The following UNC13B variants were observed in gnomAD, a reference collection of about 807,000 sequenced individuals.
UNC13B encodes protein unc-13 homolog B.
A neutral mutation model predicts 211.0 loss-of-function variants in UNC13B; 144 were observed. The ratio of observed to expected loss-of-function variants is 0.68; its 90% CI spans 0.60 to 0.78. The LOEUF is 0.78. UNC13B is among the 30% of genes least tolerant of loss of function. The pLI is 0.00. For synonymous variants in UNC13B, 709 were observed against 725.8 expected (o/e 0.98, Z 0.37); for missense variants, 1,777 against 2,002.0 (o/e 0.89, Z 2.14).
intron 7 of UNC13B, among the ~76,000 whole-genome samples, chr9:35,263,917 C>A (rs1827422699): frequency 6.6e-6 from 1 of 152,200 alleles, no homozygotes; most frequent in African/African-American, 2.4e-5. Flanking sequence ...CTTGGACTTT[C>A]TAGCCTCCAG....
rs1439630154 is a variant in UNC13B at position 35,237,830 on chromosome 9, A to G, written c.394+4A>G. The G allele has an allele frequency of 1.6e-5, 25 of 1,597,938 alleles. No individual in the cohort carries two copies. The East Asian group carries it at 2.2e-4, about 14-fold the overall frequency. On this transcript the variant is annotated splice_donor_region_variant and intron_variant, in intron 5 of 39. Coordinates refer to ENST00000635942, the MANE Select transcript of UNC13B (RefSeq NM_001371189.2). Reference sequence around the variant, plus strand: ...ACAAGATTTGAGTTGCCTTTTGGTGAGTAAAATTTTAAAACTATTTAATAA... The same window carrying G: ...ACAAGATTTGAGTTGCCTTTTGGTGGGTAAAATTTTAAAACTATTTAATAA...
intron 11 of UNC13B, among the ~76,000 whole-genome samples, chr9:35,326,333 G>T (rs1831015753): frequency 6.6e-6 from 1 of 152,124 alleles, no homozygotes; most frequent in Non-Finnish European, 1.5e-5. Context: ...ATGGGTACCT[G>T]AAACCATGGA....
intron 1 of UNC13B, among the ~76,000 whole-genome samples, chr9:35,172,362 G>C (rs1037427394): frequency 1.3e-5 from 2 of 152,060 alleles, no homozygotes; most frequent in African/African-American, 4.8e-5. Context: ...ATCTACAATA[G>C]ATTTTCATTA....
At chr9:35,312,429 T>A (rs1370126489) in intron 10 of UNC13B, among the ~76,000 whole-genome samples, 1 of 152,202 alleles carries the variant, frequency 6.6e-6, no homozygotes, top group Non-Finnish European at 1.5e-5. Flanking sequence ...ATTGGGTTGA[T>A]GACTCACTGA....
intron 11 of UNC13B, chr9:35,342,410 G>A (rs1832059410): frequency 1.0e-6 from 1 of 958,100 alleles, no homozygotes; most frequent in Non-Finnish European, 1.2e-6. Flanking sequence ...GCATTTGTGG[G>A]TGGAATATGG....
chr9:35,206,468 A>G (rs1258015431), intron 1 of UNC13B, among the ~76,000 whole-genome samples: 1 of 152,150 alleles, frequency 6.6e-6, no homozygotes, highest in African/African-American at 2.4e-5. Context: ...AAAAGGTATC[A>G]TATAATTTAT....
intron 1 of UNC13B, among the ~76,000 whole-genome samples, chr9:35,165,116 A>G (rs1343280076): frequency 1.3e-5 from 2 of 152,250 alleles, no homozygotes; most frequent in African/African-American, 2.4e-5. Context: ...ATTTAGTTGT[A>G]GAAGATTTAA....
At chr9:35,197,913 C>G (rs1211978370) in intron 1 of UNC13B, among the ~76,000 whole-genome samples, 1 of 152,010 alleles carries the variant, frequency 6.6e-6, no homozygotes, top group East Asian at 1.9e-4. Flanking sequence ...AATAAATTAC[C>G]CAGTCTCAGA....
At chr9:35,325,077 C>CT (rs1830934493) in intron 11 of UNC13B, among the ~76,000 whole-genome samples, 1 of 152,206 alleles carries the variant, frequency 6.6e-6, no homozygotes, top group Non-Finnish European at 1.5e-5. Context: ...CGAAGACATT[C>CT]TTTTTAAGAT....
chr9:35,171,513 C>T (rs1194106705), intron 1 of UNC13B, among the ~76,000 whole-genome samples: 2 of 152,062 alleles, frequency 1.3e-5, no homozygotes, highest in East Asian at 1.9e-4. Context: ...GAGATCCTCC[C>T]GTCTCCGTCT....
intron 32 of UNC13B, 39 bp from the exon 33 acceptor site, chr9:35,398,843 T>C (rs1169897487): frequency 6.2e-7 from 1 of 1,600,080 alleles, no homozygotes; most frequent in Non-Finnish European, 8.5e-7. Flanking sequence ...ACAGTGTGTG[T>C]TTGGGGAGGG....
chr9:35,261,395 A>G (rs1827263460), intron 7 of UNC13B, among the ~76,000 whole-genome samples: 1 of 152,216 alleles, frequency 6.6e-6, no homozygotes. Flanking sequence ...AATATTGTCT[A>G]TAATACAGTC....
In UNC13B at chr9:35,305,528, A is replaced by G. The variant is rs1461387601; in HGVS notation, c.6124A>G (p.Arg2042Gly). 1.3e-5 allele frequency: 5 copies of G among 398,920 alleles called. No homozygotes were observed. The highest frequency in any genetic ancestry group is 2.2e-5 in the Non-Finnish European group (5 of 226,038). The allele number at this position is 398,920 out of a possible 1,614,324, so 24.7% of individuals were successfully genotyped here. A position where few individuals can be genotyped will look rare whatever the true frequency, so the allele number is the denominator to read the frequency against. The stretch of plus-strand genomic sequence containing the variant: ...ACCAATTTCCTCTAAAGGGAAGGCT[A>G]GAGTTAGAAGACTGAACAAACAGAC... Reference protein sequence around the residue: ...AAPISSKGKARVRRLNKQTTI... With the variant: ...AAPISSKGKAGVRRLNKQTTI... The change falls in exon 9 of 40, where the codon AGA (arginine) becomes GGA (glycine). Residue 2042 changes from arginine to glycine, a missense_variant. Coordinates refer to ENST00000635942, the MANE Select transcript of UNC13B (RefSeq NM_001371189.2).
intron 11 of UNC13B, among the ~76,000 whole-genome samples, chr9:35,355,830 A>G (rs1029751682): frequency 7.2e-5 from 11 of 152,220 alleles, no homozygotes; most frequent in Admixed American, 3.9e-4. Context: ...CACAGCAACA[A>G]TAGAAACAAC....
At chr9:35,202,345 C>G in intron 1 of UNC13B, among the ~76,000 whole-genome samples, 1 of 152,248 alleles carries the variant, frequency 6.6e-6, no homozygotes, top group East Asian at 1.9e-4. Flanking sequence ...CTGTAGACGT[C>G]TATTAGGTCC....
rs1017002469 is a variant in UNC13B at position 35,302,092 on chromosome 9, G to C, written c.2688G>C (p.Lys896Asn). The change falls in exon 9 of 40, where the codon AAG becomes AAC. Residue 896 changes from lysine to asparagine, a missense_variant. By Grantham distance (94) the Lys-to-Asn change is moderately conservative (BLOSUM62 0). Transcript: ENST00000635942. ...TTAAATTTTCTTTCACTGACAGCAA[G>C]GTTACTGTTAATGACCAGAGTTTAC... ...PLFKFSFTDSKVTVNDQSLRG... is the reference protein window; with the variant it reads ...PLFKFSFTDSNVTVNDQSLRG... 10 of 398,622 alleles carry C rather than the reference G, an allele frequency of 2.5e-5. No individual in the cohort carries two copies. Among genetic ancestry groups the C allele is most frequent in the Admixed American group, 4.4e-5 (1 of 22,706 alleles). The allele number at this position is 398,622 out of a possible 1,614,324, so 24.7% of individuals were successfully genotyped here.
chr9:35,325,492 C>A (rs1173491466), intron 11 of UNC13B, among the ~76,000 whole-genome samples: 2 of 152,222 alleles, frequency 1.3e-5, no homozygotes, highest in Admixed American at 6.5e-5. Flanking sequence ...TTGCAGCCTT[C>A]TCATTCAGCC....
chr9:35,171,181 A>G (rs1442450191), intron 1 of UNC13B, among the ~76,000 whole-genome samples: 2 of 151,602 alleles, frequency 1.3e-5, no homozygotes, highest in Admixed American at 6.6e-5. Context: ...GGCCCACTGT[A>G]ACCTCCATCT....
chr9:35,167,295 G>A (rs1564038965), intron 1 of UNC13B, among the ~76,000 whole-genome samples: 1 of 151,840 alleles, frequency 6.6e-6, no homozygotes, highest in African/African-American at 2.4e-5. Flanking sequence ...GGATGGTCTC[G>A]ATCACCTTAC....
Sources: gnomAD v4.1 joint callset for allele counts (sites outside exome capture counted in the v4.1 genomes callset) on GRCh38, gnomAD v4.1.1 for gene constraint, MANE v1.5 for transcripts, NCBI Gene and HGNC (gene_info 2026-07-23, HGNC 2026-07-21) for gene names.